Variants in MCC observed in about 807,000 individuals in gnomAD.
MCC encodes the protein MCC regulator of Wnt signaling pathway, also known as colorectal mutant cancer protein.
MCC carries 90 observed loss-of-function variants against 116.2 expected under a neutral mutation model. The ratio of observed to expected loss-of-function variants is 0.77; its 90% CI spans 0.65 to 0.92. The LOEUF (loss-of-function observed/expected upper bound fraction) is 0.92, where lower values mean the gene tolerates loss of function less well. Ranked by LOEUF, MCC falls within the 40% of genes least tolerant of loss-of-function variation. The pLI, the probability that MCC is intolerant of heterozygous loss-of-function variation, is 0.00. For synonymous variants in MCC, 578 were observed against 510.5 expected, an observed-to-expected ratio of 1.13 and a Z score of -1.78; for missense variants, 1,516 against 1,312.2, an observed-to-expected ratio of 1.16 and a Z score of -2.40.
At chr5:113,447,096 G>T (rs1287991043) in intron 1 of MCC, among the ~76,000 whole-genome samples, 1 of 152,052 alleles carries the variant, frequency 6.6e-6, no homozygotes, top group Non-Finnish European at 1.5e-5. Context: ...AGGTAGAGCT[G>T]GATGAAAAAT....
rs1755120842 is a variant in MCC at position 113,085,189 on chromosome 5, C to T, written c.1520G>A (p.Ser507Asn). The change falls in exon 9 of 19, where the codon AGC becomes AAC. Residue 507 changes from serine to asparagine, a missense_variant. Ser to Asn is a conservative substitution (Grantham distance 46). Coordinates refer to ENST00000408903, the MANE Select transcript of MCC (RefSeq NM_001085377.2). Reference sequence around the variant, plus strand: ...CTTGGCGATGGGAATGTCATTGCTGCTGCTGCTTGTGCTCAGCTCCCCAGT... The same window carrying T: ...CTTGGCGATGGGAATGTCATTGCTGTTGCTGCTTGTGCTCAGCTCCCCAGT... ...PSTGELSTSSSSNDIPIAKIA... is the reference protein window; with the variant it reads ...PSTGELSTSSNSNDIPIAKIA... 2 of 1,614,226 alleles carry T rather than the reference C, an allele frequency of 1.2e-6. No individual in the cohort carries two copies. The highest frequency in any genetic ancestry group is 1.1e-5 in the South Asian group (1 of 91,082).
At chr5:113,430,642 G>A (rs560292683) in intron 1 of MCC, among the ~76,000 whole-genome samples, 23 of 152,282 alleles carry the variant, frequency 1.5e-4, no homozygotes, top group African/African-American at 5.3e-4. Context: ...TATATGAGAG[G>A]TAAGGCAAAG....
intron 3 of MCC, among the ~76,000 whole-genome samples, chr5:113,202,051 CCA>C (rs1391519230): frequency 2.6e-5 from 4 of 152,156 alleles, no homozygotes; most frequent in African/African-American, 9.7e-5. Flanking sequence ...CTTTCCTTTA[CCA>C]CACAGGCTTT....
chr5:113,084,802 G>T (rs1256229276), intron 9 of MCC, among the ~76,000 whole-genome samples: 1 of 152,124 alleles, frequency 6.6e-6, no homozygotes, highest in African/African-American at 2.4e-5. Flanking sequence ...GAGATCATTG[G>T]TTCATTACTC....
At chr5:113,392,100 A>G (rs1769416777) in intron 1 of MCC, among the ~76,000 whole-genome samples, 1 of 152,060 alleles carries the variant, frequency 6.6e-6, no homozygotes, top group African/African-American at 2.4e-5. Context: ...GCGTGGTGGC[A>G]TGTGCCTGTA....
intron 13 of MCC, among the ~76,000 whole-genome samples, chr5:113,064,810 G>C (rs952511734): frequency 2.6e-5 from 4 of 152,198 alleles, no homozygotes; most frequent in African/African-American, 4.8e-5. Flanking sequence ...CACTCGCACA[G>C]ACCAGGCAGT....
intron 1 of MCC, among the ~76,000 whole-genome samples, chr5:113,410,536 C>G (rs1164770438): frequency 6.6e-6 from 1 of 152,028 alleles, no homozygotes; most frequent in Non-Finnish European, 1.5e-5. Flanking sequence ...CTTTGGAAGG[C>G]TGAGGTTTAA....
intron 5 of MCC, among the ~76,000 whole-genome samples, chr5:113,130,135 C>T (rs986568854): frequency 2.0e-5 from 3 of 152,162 alleles, no homozygotes; most frequent in African/African-American, 7.2e-5. Flanking sequence ...CACATATATA[C>T]CATGGAATAC....
chr5:113,347,519 G>T (rs918364223), intron 2 of MCC, among the ~76,000 whole-genome samples: 1 of 151,756 alleles, frequency 6.6e-6, no homozygotes, highest in African/African-American at 2.4e-5. Context: ...CAAAAGTAAT[G>T]GGTTGTATTA....
chr5:113,238,647 G>C (rs1011518182), intron 3 of MCC, among the ~76,000 whole-genome samples: 2 of 152,150 alleles, frequency 1.3e-5, no homozygotes, highest in African/African-American at 4.8e-5. Context: ...AAAGAGACCA[G>C]AGATTAGAAA....
rs1767859150 is a variant in MCC at position 113,335,985 on chromosome 5, C to T, written c.627+4534G>A. ...AATAGAAATTTATTGGCTTATAGTT[C>T]TGGAGGCTGGGAAGCCCAATATTAA... On this transcript the variant is annotated intron_variant, in intron 3 of 18. Coordinates refer to ENST00000408903, the MANE Select transcript of MCC (RefSeq NM_001085377.2). Among the ~76,000 whole-genome samples the T allele has an allele frequency of 2.0e-5, 3 of 151,638 alleles. No individual in the cohort carries two copies. In the South Asian group the frequency reaches 6.2e-4, roughly 31 times the overall value.
chr5:113,237,249 G>A (rs1764167702), intron 3 of MCC, among the ~76,000 whole-genome samples: 1 of 152,068 alleles, frequency 6.6e-6, no homozygotes, highest in Admixed American at 6.5e-5. Context: ...AGATCACTGA[G>A]GCAAAAATGT....
At chr5:113,431,526 G>A (rs909183654) in intron 1 of MCC, among the ~76,000 whole-genome samples, 4 of 152,070 alleles carry the variant, frequency 2.6e-5, no homozygotes, top group African/African-American at 9.7e-5. Flanking sequence ...AGGTACAAGG[G>A]GCTAGGACAT....
chr5:113,449,032 A>C (rs1343078190), intron 1 of MCC, among the ~76,000 whole-genome samples: 1 of 152,264 alleles, frequency 6.6e-6, no homozygotes, highest in Non-Finnish European at 1.5e-5. Context: ...ACCTTCAGTC[A>C]GTCATCAGTG....
At chr5:113,259,801 A>C (rs992761951) in intron 3 of MCC, among the ~76,000 whole-genome samples, 5 of 152,068 alleles carry the variant, frequency 3.3e-5, no homozygotes, top group Non-Finnish European at 7.4e-5. Flanking sequence ...CACACACACA[A>C]AAAATTTGCA....
Position 113,463,884 on chromosome 5 carries a change from A to G in MCC, c.170+24361T>C, listed in dbSNP as rs79581264. Among the ~76,000 whole-genome samples, 71 of 152,300 alleles carry G rather than the reference A, an allele frequency of 4.7e-4. No homozygotes were observed. In the East Asian group the frequency reaches 0.014, roughly 29 times the overall value. On this transcript the variant is annotated intron_variant, in intron 1 of 18. Transcript: ENST00000408903. ...AAAATTGATGCCTTAAAATATTCTAACACTCAATAGCTAGGTAGAGGAGGA... is the reference window on the plus strand; with the variant it reads ...AAAATTGATGCCTTAAAATATTCTAGCACTCAATAGCTAGGTAGAGGAGGA...
intron 3 of MCC, among the ~76,000 whole-genome samples, chr5:113,165,487 C>A (rs926438531): frequency 1.3e-5 from 2 of 152,118 alleles, no homozygotes; most frequent in Non-Finnish European, 2.9e-5. Context: ...TAAAGTATGG[C>A]AGGGGTAGTG....
intron 1 of MCC, among the ~76,000 whole-genome samples, chr5:113,459,334 G>C (rs556750074): frequency 6.6e-6 from 1 of 152,020 alleles, no homozygotes; most frequent in East Asian, 1.9e-4. Flanking sequence ...TCAGGAGATC[G>C]AGACCATCTT....
intron 1 of MCC, among the ~76,000 whole-genome samples, chr5:113,394,604 T>A (rs1292201418): frequency 6.6e-6 from 1 of 152,212 alleles, no homozygotes; most frequent in East Asian, 1.9e-4. Context: ...TGTTTGTCCC[T>A]CTGCTCAGAA....
Sources: allele counts gnomAD v4.1 joint callset (sites outside exome capture counted in the v4.1 genomes callset), GRCh38; gene constraint gnomAD v4.1.1; transcripts MANE v1.5; gene names NCBI Gene and HGNC (gene_info 2026-07-23, HGNC 2026-07-21).